The following CRLF1 variants were observed in gnomAD, a reference collection of about 807,000 sequenced individuals.
CRLF1 encodes cytokine receptor-like factor 1.
In CRLF1, 36 loss-of-function variants were observed where a neutral mutation model predicts 48.9. That is an observed-to-expected ratio of 0.74 (90% CI 0.56 to 0.97). The LOEUF (loss-of-function observed/expected upper bound fraction) is 0.97, where lower values mean the gene tolerates loss of function less well. Ranked by LOEUF, CRLF1 falls within the 50% of genes least tolerant of loss-of-function variation. The probability of loss-of-function intolerance (pLI) is 0.00; values close to 1 mark genes in which losing one functional copy is unlikely to be tolerated. For synonymous variants in CRLF1, 256 were observed against 253.4 expected (o/e 1.01, Z -0.10); for missense variants, 534 against 575.1 (o/e 0.93, Z 0.73).
At position 18,599,619 on chromosome 19, in the gene CRLF1, C is replaced by A; in HGVS notation, c.343G>T (p.Val115Leu). 6.2e-7 allele frequency: 1 copy of A among 1,613,400 alleles called. No homozygotes were observed. The highest frequency in any genetic ancestry group is 8.5e-7 in the Non-Finnish European group (1 of 1,180,002). ...ATGCTGCCGTCACGGGCGTGGCACA[C>A]GAGGTTGTCCCCCGACCGCTGCCTG... ...GSRQRSGDNL[V>L]CHARDGSILA... Residue 115 changes from valine to leucine, a missense_variant, in exon 2 of 9, where the codon GTG becomes TTG. Physicochemically the swap from Val to Leu is conservative, Grantham distance 32. Coordinates refer to ENST00000392386, the MANE Select transcript of CRLF1 (RefSeq NM_004750.5).
At chr19:18,595,177 C>A (rs895058931) in intron 6 of CRLF1, among the ~76,000 whole-genome samples, 1 of 152,226 alleles carries the variant, frequency 6.6e-6, no homozygotes, top group Non-Finnish European at 1.5e-5. Context: ...CGCTGACAGG[C>A]CCTGGCACGG....
chr19:18,598,794 A>AGTTGG lies in CRLF1; in HGVS notation c.500_504dup (p.Tyr169ProfsTer67). 1 of 1,614,044 alleles carries AGTTGG rather than the reference A, an allele frequency of 6.2e-7. No homozygotes were observed. Among genetic ancestry groups the AGTTGG allele is most frequent in the Non-Finnish European group, 8.5e-7 (1 of 1,179,964 alleles). ...AACCTAAGCTTGTACTTGAGGGAGT[A>AGTTGG]GTTGGTGTGGAGGAAGGTCTCCCCG... On this transcript the variant is annotated frameshift_variant, in exon 3 of 9. Transcript: ENST00000392386. LOFTEE classifies it high-confidence loss of function.
At chr19:18,598,735 C>G (rs1976178303) in intron 3 of CRLF1, 37 bp downstream of exon 3, 1 of 1,613,952 alleles carries the variant, frequency 6.2e-7, no homozygotes, top group Admixed American at 1.7e-5. Flanking sequence ...ACGCAGCCAG[C>G]CTGGGACACA....
At chr19:18,594,030 G>GCGGGGGGCCCCCCCCCCCCCC in intron 8 of CRLF1, 35 bp downstream of exon 8, 1 of 1,315,310 alleles carries the variant, frequency 7.6e-7, no homozygotes, top group Non-Finnish European at 1.1e-6. Context: ...CCCTCCCCTT[G>GCGGGGGGCCCCCCCCCCCCCC]CTCCCTCCCG....
Position 18,596,957 on chromosome 19 carries a change from T to C in CRLF1, c.790A>G (p.Lys264Glu). ...TATTTGGCTTGAAAGAGGAAATCCTTGAGGGCGGGTGGCGACACCCAGCGC... is the reference window on the plus strand; with the variant it reads ...TATTTGGCTTGAAAGAGGAAATCCTCGAGGGCGGGTGGCGACACCCAGCGC... ...SVRWVSPPALKDFLFQAKYQI... is the reference protein window; with the variant it reads ...SVRWVSPPALEDFLFQAKYQI... The change falls in exon 5 of 9, where the codon AAG becomes GAG. Residue 264 changes from lysine (K) to glutamate (E), a missense_variant. Around this residue, in one of 2 missense-constraint regions of CRLF1, gnomAD observed 528 missense variants for 555.7 expected, o/e 0.95. Coordinates refer to ENST00000392386, the MANE Select transcript of CRLF1 (RefSeq NM_004750.5). The C allele has an allele frequency of 6.2e-7, 1 of 1,613,750 alleles. No homozygotes were observed. The highest frequency in any genetic ancestry group is 8.5e-7 in the Non-Finnish European group (1 of 1,179,952).
intron 8 of CRLF1, 33 bp downstream of exon 8, chr19:18,594,032 T>TGTGGGGC: frequency 1.0e-5 from 7 of 695,810 alleles, no homozygotes; most frequent in East Asian, 4.7e-5. Flanking sequence ...CTCCCCTTGC[T>TGTGGGGC]CCCTCCCGCC....
chr19:18,597,724 G>A (rs568461748), intron 4 of CRLF1, among the ~76,000 whole-genome samples: 2 of 151,994 alleles, frequency 1.3e-5, no homozygotes, highest in East Asian at 1.9e-4. Context: ...GAGCCACCGC[G>A]CCCGGCCCTC....
chr19:18,605,651 AGT>A (rs1285858044), intron 1 of CRLF1, among the ~76,000 whole-genome samples: 1 of 152,172 alleles, frequency 6.6e-6, no homozygotes, highest in Non-Finnish European at 1.5e-5. Context: ...GCCACAAGCC[AGT>A]GTGATTCTTT....
intron 1 of CRLF1, among the ~76,000 whole-genome samples, chr19:18,600,109 A>C (rs1976200425): frequency 6.6e-6 from 1 of 152,128 alleles, no homozygotes; most frequent in Admixed American, 6.5e-5. Context: ...GACATGCTTA[A>C]GGTTCTCTGA....
Position 18,596,618 on chromosome 19 carries a change from TCACCACTGCGGG to T in CRLF1, c.1016_1024+3del, listed in dbSNP as rs1976136850. On this transcript the variant is annotated splice_donor_variant and splice_donor_region_variant and coding_sequence_variant and intron_variant, in exon 6 of 9. Transcript: ENST00000392386. LOFTEE classifies it high-confidence loss of function. ...GGATCACCCAGCCCTAGGAGGGTGC[TCACCACTGCGGG>T]GAGTGGAGGCGGCTGTGGGGTGGCT... 3 of 1,613,800 alleles carry T rather than the reference TCACCACTGCGGG, an allele frequency of 1.9e-6. No homozygotes were observed. The highest frequency in any genetic ancestry group is 2.5e-6 in the Non-Finnish European group (3 of 1,179,890).
Position 18,606,515 on chromosome 19 carries a change from G to T in CRLF1, c.115+27C>A. On this transcript the variant is annotated intron_variant, in intron 1 of 8. Transcript: ENST00000392386. The surrounding 1 kb of genome is among the most constrained non-coding windows in gnomAD (Gnocchi z 4.8). ...CGCCCGCCCTCTGCTCTGGCAGGGG[G>T]GAAGGAGTGGGGCGCCGGGTACTCA... 8.7e-7 allele frequency: 1 copy of T among 1,155,092 alleles called. No homozygotes were observed. Among genetic ancestry groups the T allele is most frequent in the Non-Finnish European group, 1.1e-6 (1 of 939,042 alleles). 71.6% of individuals were successfully genotyped at this position (1,155,092 alleles called of 1,614,324 possible). A position where few individuals can be genotyped will look rare whatever the true frequency, so the allele number is the denominator to read the frequency against.
intron 3 of CRLF1, 34 bp from the exon 4 acceptor site, chr19:18,598,635 G>C (rs951467378): frequency 6.2e-7 from 1 of 1,613,886 alleles, no homozygotes; most frequent in Admixed American, 1.7e-5. Flanking sequence ...GACGCATGAG[G>C]GTTCCTTGTG....
intron 1 of CRLF1, among the ~76,000 whole-genome samples, chr19:18,605,514 G>C (rs1976280003): frequency 6.6e-6 from 1 of 152,224 alleles, no homozygotes; most frequent in Non-Finnish European, 1.5e-5. Flanking sequence ...CCCCTGGGTC[G>C]CCTCCCCTGT....
intron 1 of CRLF1, among the ~76,000 whole-genome samples, chr19:18,603,419 C>T (rs1289176381): frequency 6.6e-6 from 1 of 152,322 alleles, no homozygotes; most frequent in East Asian, 1.9e-4. Context: ...CTGCAAGTGC[C>T]AAGGTCCTGG....
At chr19:18,599,447 C>A in intron 2 of CRLF1, 118 bp downstream of exon 2, 1 of 1,424,048 alleles carries the variant, frequency 7.0e-7, no homozygotes, top group Non-Finnish European at 9.8e-7. Context: ...ACCTGCATAG[C>A]CATGCCAGTG....
chr19:18,606,164 G>C lies in CRLF1; in HGVS notation c.115+378C>G, dbSNP rs892839357. Among the ~76,000 whole-genome samples, 1 of 151,528 alleles carries C rather than the reference G, an allele frequency of 6.6e-6. No homozygotes were observed. The highest frequency in any genetic ancestry group is 2.4e-5 in the African/African-American group (1 of 41,302). ...GGCCCGCACCCAGCGCGCCAACCGC[G>C]TGCGCCCCCGCCTGGGAGCGGTGCC... On this transcript the variant is annotated intron_variant, in intron 1 of 8. Transcript: ENST00000392386. The surrounding 1 kb of genome is among the most constrained non-coding windows in gnomAD (Gnocchi z 4.8).
Position 18,606,501 on chromosome 19 carries a change from T to C in CRLF1, c.115+41A>G. On this transcript the variant is annotated intron_variant, in intron 1 of 8. Coordinates refer to ENST00000392386, the MANE Select transcript of CRLF1 (RefSeq NM_004750.5). This position sits in a 1 kb window ranked among gnomAD's most constrained non-coding sequence, Gnocchi z 4.8. ...GGCTGCCCCCGGGGCGCCCGCCCTC[T>C]GCTCTGGCAGGGGGGAAGGAGTGGG... 2 of 1,121,350 alleles carry C rather than the reference T, an allele frequency of 1.8e-6. No individual in the cohort carries two copies. The highest frequency in any genetic ancestry group is 5.1e-5 in the Admixed American group (1 of 19,774). 69.5% of individuals were successfully genotyped at this position (1,121,350 alleles called of 1,614,324 possible). A position where few individuals can be genotyped will look rare whatever the true frequency, so the allele number is the denominator to read the frequency against.
chr19:18,594,040 G>A (rs778343761), intron 8 of CRLF1, 25 bp downstream of exon 8: 6 of 408,170 alleles, frequency 1.5e-5, no homozygotes, highest in Non-Finnish European at 2.6e-5. Context: ...GCTCCCTCCC[G>A]CCCACCCATT....
rs375500909 is a variant in CRLF1 at position 18,593,357 on chromosome 19, T to TCACA, written c.*205_*208dup. ...GGGTTCTAGGCAACTCAACCAACCC[T>TCACA]CACACACACACACACACCCACTGGG... is the stretch of plus-strand genomic sequence containing the variant. On this transcript the variant is annotated 3_prime_UTR_variant, in exon 9 of 9. Transcript: ENST00000392386. 2.3e-5 allele frequency: 14 copies of TCACA among 609,524 alleles called. No homozygotes were observed. Among genetic ancestry groups the TCACA allele is most frequent in the East Asian group, 1.2e-4 (4 of 33,558 alleles). The allele number at this position is 609,524 out of a possible 1,614,324, so 37.8% of individuals were successfully genotyped here.
Sources: allele counts gnomAD v4.1 joint callset (sites outside exome capture counted in the v4.1 genomes callset), GRCh38; gene constraint gnomAD v4.1.1; regional missense constraint gnomAD v4.1.1; non-coding constraint Gnocchi (gnomAD v3.1); transcripts MANE v1.5; gene names NCBI Gene and HGNC (gene_info 2026-07-23, HGNC 2026-07-21).